Variants in RNF150 observed in about 807,000 individuals in gnomAD.
The protein encoded by RNF150 is ring finger protein 150.
A neutral mutation model predicts 39.3 loss-of-function variants in RNF150; 24 were observed. The observed-to-expected ratio is 0.61, with a 90% confidence interval of 0.44 to 0.86. The LOEUF is 0.86. Ranked by LOEUF, RNF150 falls within the 40% of genes least tolerant of loss-of-function variation. The pLI is 0.00. For synonymous variants in RNF150, 255 were observed against 227.3 expected, an observed-to-expected ratio of 1.12 and a Z score of -1.10; for missense variants, 502 against 587.8, an observed-to-expected ratio of 0.85 and a Z score of 1.51.
chr4:140,977,370 AG>A (rs1043864323), intron 1 of RNF150, among the ~76,000 whole-genome samples: 62 of 152,228 alleles, frequency 4.1e-4, no homozygotes, highest in African/African-American at 1.4e-3. Context: ...AACGAAGCAA[AG>A]GCCTTCTTTT....
intron 1 of RNF150, among the ~76,000 whole-genome samples, chr4:141,037,146 G>A (rs755546515): frequency 1.1e-4 from 17 of 151,952 alleles, no homozygotes; most frequent in Non-Finnish European, 2.2e-4. Flanking sequence ...TTATTCTAAA[G>A]GACACAGTAT....
At chr4:140,884,116 T>C (rs1298552894) in intron 6 of RNF150, among the ~76,000 whole-genome samples, 1 of 152,176 alleles carries the variant, frequency 6.6e-6, no homozygotes, top group African/African-American at 2.4e-5. Context: ...CTTCAACTCT[T>C]GAATTTCTGT....
chr4:140,977,917 G>A (rs1297004250), intron 1 of RNF150, among the ~76,000 whole-genome samples: 1 of 152,042 alleles, frequency 6.6e-6, no homozygotes, highest in African/African-American at 2.4e-5. Flanking sequence ...CTACACTAGG[G>A]AGAAGTTAGT....
intron 6 of RNF150, among the ~76,000 whole-genome samples, chr4:140,895,871 G>A (rs911077711): frequency 1.3e-5 from 2 of 150,400 alleles, no homozygotes; most frequent in African/African-American, 5.0e-5. Context: ...TTTTTTTTCT[G>A]CGAAGGACAT....
intron 1 of RNF150, among the ~76,000 whole-genome samples, chr4:141,211,919 T>G (rs9308139): frequency 0.22 from 33,689 of 152,092 alleles, 3,973 homozygotes; most frequent in South Asian, 0.32. Context: ...GGAAAGAATT[T>G]AATAGAAGAA....
intron 6 of RNF150, among the ~76,000 whole-genome samples, chr4:140,882,635 T>C (rs1729419613): frequency 6.6e-6 from 1 of 152,228 alleles, no homozygotes; most frequent in African/African-American, 2.4e-5. Flanking sequence ...ATAATTGTTA[T>C]ATCTTTCTGA....
intron 1 of RNF150, among the ~76,000 whole-genome samples, chr4:141,206,604 C>T (rs1318534618): frequency 1.3e-5 from 2 of 151,908 alleles, no homozygotes; most frequent in Non-Finnish European, 2.9e-5. Flanking sequence ...AATGCCCCCC[C>T]AGTTGTGTGA....
intron 1 of RNF150, among the ~76,000 whole-genome samples, chr4:141,029,599 G>T (rs1230975391): frequency 2.6e-5 from 4 of 152,114 alleles, no homozygotes; most frequent in African/African-American, 7.2e-5. Context: ...ACACACAACT[G>T]GACCTCAAAG....
intron 1 of RNF150, among the ~76,000 whole-genome samples, chr4:141,178,545 T>A (rs1355030481): frequency 6.6e-6 from 1 of 152,140 alleles, no homozygotes; most frequent in Non-Finnish European, 1.5e-5. Flanking sequence ...AAAGAGTGGG[T>A]TCCACTTCTC....
At chr4:140,870,739 G>A (rs1249295554) in intron 6 of RNF150, among the ~76,000 whole-genome samples, 2 of 152,250 alleles carry the variant, frequency 1.3e-5, no homozygotes, top group African/African-American at 4.8e-5. Flanking sequence ...GCCAGATGCA[G>A]GGGCTTGCTG....
intron 1 of RNF150, among the ~76,000 whole-genome samples, chr4:141,148,008 A>G (rs1214942223): frequency 6.6e-6 from 1 of 152,164 alleles, no homozygotes; most frequent in East Asian, 1.9e-4. Context: ...CATCCTTAAA[A>G]TATTTTCTTG....
At chr4:140,936,638 TGTTA>T (rs1293959967) in intron 4 of RNF150, among the ~76,000 whole-genome samples, 2 of 152,134 alleles carry the variant, frequency 1.3e-5, no homozygotes, top group Non-Finnish European at 2.9e-5. Flanking sequence ...AATTTTAAAT[TGTTA>T]ATTAAAAAAG....
At chr4:141,147,676 G>GT (rs1727225669) in intron 1 of RNF150, among the ~76,000 whole-genome samples, 2 of 152,136 alleles carry the variant, frequency 1.3e-5, no homozygotes, top group Admixed American at 1.3e-4. Flanking sequence ...TCCCTCAACA[G>GT]TAACAGCTCA....
chr4:140,901,511 G>T (rs1404273794), intron 6 of RNF150, among the ~76,000 whole-genome samples: 1 of 152,134 alleles, frequency 6.6e-6, no homozygotes, highest in African/African-American at 2.4e-5. Flanking sequence ...TTCATTAGCA[G>T]CCAAAATACA....
intron 1 of RNF150, among the ~76,000 whole-genome samples, chr4:141,027,926 G>GTTTTTTTTTTTTTTTTTT (rs61543533): frequency 4.3e-5 from 3 of 69,126 alleles, no homozygotes; most frequent in Non-Finnish European, 8.0e-5. Context: ...TTTTTTTTTT[G>GTTTTTTTTTTTTTTTTTT]TTTTTTTTTT....
intron 1 of RNF150, among the ~76,000 whole-genome samples, chr4:141,049,022 G>T (rs1736683216): frequency 6.6e-6 from 1 of 152,060 alleles, no homozygotes; most frequent in Non-Finnish European, 1.5e-5. Flanking sequence ...GTTGTTCATG[G>T]GTATGCCTAT....
At chr4:141,111,040 C>A (rs1016040103) in intron 1 of RNF150, among the ~76,000 whole-genome samples, 1 of 151,960 alleles carries the variant, frequency 6.6e-6, no homozygotes, top group Admixed American at 6.6e-5. Flanking sequence ...ATCTGAAGAG[C>A]CATGTCCTAA....
chr4:140,990,348 AATTTTT>A (rs1406366101), intron 1 of RNF150, among the ~76,000 whole-genome samples: 1 of 152,116 alleles, frequency 6.6e-6, no homozygotes, highest in African/African-American at 2.4e-5. Context: ...TTCTTTTTTT[AATTTTT>A]ATTTTTAAGT....
chr4:141,099,952 T>C (rs1738948902), intron 1 of RNF150, among the ~76,000 whole-genome samples: 3 of 152,184 alleles, frequency 2.0e-5, no homozygotes, highest in Admixed American at 1.3e-4. Context: ...GGAGTGTGTG[T>C]GTACCTGTCT....
Sources: gnomAD v4.1 joint callset for allele counts (sites outside exome capture counted in the v4.1 genomes callset) on GRCh38, gnomAD v4.1.1 for gene constraint, MANE v1.5 for transcripts, NCBI Gene and HGNC (gene_info 2026-07-23, HGNC 2026-07-21) for gene names.